Variants in PPP6R3 observed in about 807,000 individuals in gnomAD.
PPP6R3 encodes the protein protein phosphatase 6 regulatory subunit 3.
Under a neutral mutation model 110.7 loss-of-function variants are expected in PPP6R3, and 38 were observed. The ratio of observed to expected loss-of-function variants is 0.34; its 90% CI spans 0.26 to 0.45. The LOEUF (loss-of-function observed/expected upper bound fraction) is 0.45, where lower values mean the gene tolerates loss of function less well. Among genes scored for constraint, PPP6R3 ranks in the 20% least tolerant of loss-of-function variants. The pLI is 1.00. For synonymous variants in PPP6R3, 369 were observed against 373.5 expected (o/e 0.99, Z 0.14); for missense variants, 870 against 1,062.4 (o/e 0.82, Z 2.52).
At chr11:68,493,608 A>C (rs1315778620) in intron 1 of PPP6R3, among the ~76,000 whole-genome samples, 5 of 117,134 alleles carry the variant, frequency 4.3e-5, no homozygotes, top group South Asian at 6.1e-4. Context: ...AAAAAAAAAA[A>C]ACAAAACCAT....
chr11:68,600,624 ACAT>A, intron 20 of PPP6R3, 130 bp downstream of exon 20: 4 of 969,782 alleles, frequency 4.1e-6, no homozygotes, highest in Non-Finnish European at 5.9e-6. Flanking sequence ...AAAAGATTAA[ACAT>A]CAGCATACTA....
chr11:68,463,530 T>G (rs545261383), intron 1 of PPP6R3, among the ~76,000 whole-genome samples: 38 of 151,726 alleles, frequency 2.5e-4, no homozygotes, highest in African/African-American at 7.7e-4. Flanking sequence ...CTGTGTGTGT[T>G]TGTGTGTGTG....
At position 68,490,420 on chromosome 11, in the gene PPP6R3, TG is replaced by T. The variant is rs961028438; in HGVS notation, c.-157-29075del. 5.7e-4 allele frequency among the ~76,000 whole-genome samples: 87 copies of T among 151,930 alleles called. 1 individual carries two copies. The highest frequency in any genetic ancestry group is 2.1e-3 in the African/African-American group (86 of 41,402). ...ATTGCTCAGTGGTGTTTTTTTTTGG[TG>T]GGGGGTAAGTGGGGAGGTCATTGCT... On this transcript the variant is annotated intron_variant, in intron 1 of 23. Transcript: ENST00000393800.
intron 1 of PPP6R3, among the ~76,000 whole-genome samples, chr11:68,478,647 G>GTTTTTTATTTTTTTTTTTTT (rs2098860892): frequency 2.0e-5 from 1 of 50,506 alleles, no homozygotes; most frequent in African/African-American, 9.7e-5. Context: ...CACTTGGTAA[G>GTTTTTTATTTTTTTTTTTTT]TTTTTTTTTT....
At chr11:68,484,320 C>T (rs1291218546) in intron 1 of PPP6R3, among the ~76,000 whole-genome samples, 3 of 152,128 alleles carry the variant, frequency 2.0e-5, no homozygotes, top group African/African-American at 2.4e-5. Flanking sequence ...ATTTTATATT[C>T]GCACCAGCAA....
intron 1 of PPP6R3, among the ~76,000 whole-genome samples, chr11:68,474,571 C>A (rs571741916): frequency 6.6e-6 from 1 of 152,110 alleles, no homozygotes. Context: ...CAAGATTATT[C>A]TAGTCCAATA....
intron 1 of PPP6R3, among the ~76,000 whole-genome samples, chr11:68,476,112 G>A (rs1250744863): frequency 3.3e-5 from 5 of 152,178 alleles, no homozygotes; most frequent in African/African-American, 9.7e-5. Flanking sequence ...CAAGGCAGGC[G>A]GCTGGGAGGT....
chr11:68,523,275 G>C (rs149686885), intron 2 of PPP6R3, among the ~76,000 whole-genome samples: 1 of 152,114 alleles, frequency 6.6e-6, no homozygotes, highest in African/African-American at 2.4e-5. Context: ...GCCTTCCTCT[G>C]TACTGGTTGC....
intron 1 of PPP6R3, among the ~76,000 whole-genome samples, chr11:68,511,131 G>T (rs2099106812): frequency 6.7e-6 from 1 of 149,912 alleles, no homozygotes; most frequent in Non-Finnish European, 1.5e-5. Context: ...GCAATGGTGT[G>T]ATCTCAGCTC....
chr11:68,598,792 G>A (rs61005984), intron 19 of PPP6R3, among the ~76,000 whole-genome samples: 2,964 of 152,308 alleles, frequency 0.019, 46 homozygotes, highest in African/African-American at 0.044. Context: ...TGATTCCAGA[G>A]CTTTGCATAG....
At position 68,590,608 on chromosome 11, in the gene PPP6R3, G is replaced by C; in HGVS notation, c.1731-52G>C. On this transcript the variant is annotated intron_variant, in intron 16 of 23. Coordinates refer to ENST00000393800, the MANE Select transcript of PPP6R3 (RefSeq NM_001164161.2). ...GGAAACTTTCATAAATACGGTTTCTGTGAGCTGATAGTAATTAATGCTTCC... is the reference window on the plus strand; with the variant it reads ...GGAAACTTTCATAAATACGGTTTCTCTGAGCTGATAGTAATTAATGCTTCC... 3.3e-6 allele frequency: 5 copies of C among 1,495,190 alleles called. No individual in the cohort carries two copies. In the South Asian group the frequency reaches 6.6e-5, roughly 20 times the overall value. 92.6% of individuals were successfully genotyped at this position (1,495,190 alleles called of 1,614,324 possible). A position where few individuals can be genotyped will look rare whatever the true frequency, so the allele number is the denominator to read the frequency against.
intron 3 of PPP6R3, among the ~76,000 whole-genome samples, chr11:68,543,255 A>G (rs747439653): frequency 7.2e-5 from 11 of 152,180 alleles, no homozygotes; most frequent in Non-Finnish European, 1.3e-4. Context: ...GTGTGACTCT[A>G]GTAGCTGCAC....
At chr11:68,497,780 A>G (rs1397772103) in intron 1 of PPP6R3, among the ~76,000 whole-genome samples, 1 of 151,784 alleles carries the variant, frequency 6.6e-6, no homozygotes, top group African/African-American at 2.4e-5. Context: ...AATTTATCTT[A>G]TTTTTCTTTT....
chr11:68,497,707 G>T (rs1236546585), intron 1 of PPP6R3, among the ~76,000 whole-genome samples: 1 of 151,946 alleles, frequency 6.6e-6, no homozygotes, highest in Non-Finnish European at 1.5e-5. Flanking sequence ...CCATTCTTTG[G>T]GTTTTCTTTT....
intron 1 of PPP6R3, among the ~76,000 whole-genome samples, chr11:68,487,020 T>G (rs1378373710): frequency 6.6e-6 from 1 of 152,192 alleles, no homozygotes; most frequent in Non-Finnish European, 1.5e-5. Context: ...TATTGTTGTT[T>G]CCTGAAAACC....
intron 1 of PPP6R3, among the ~76,000 whole-genome samples, chr11:68,518,889 T>C (rs761262384): frequency 2.6e-5 from 4 of 152,186 alleles, no homozygotes; most frequent in Non-Finnish European, 5.9e-5. Context: ...CTTAGAGGAA[T>C]TCTAATTAGT....
intron 1 of PPP6R3, among the ~76,000 whole-genome samples, chr11:68,465,224 A>G (rs779824434): frequency 4.6e-5 from 7 of 152,204 alleles, no homozygotes; most frequent in Non-Finnish European, 8.8e-5. Context: ...TTCCCAGAGA[A>G]TTAGCCCTGG....
intron 3 of PPP6R3, among the ~76,000 whole-genome samples, chr11:68,541,390 G>A (rs767404386): frequency 1.3e-5 from 2 of 152,106 alleles, no homozygotes; most frequent in Non-Finnish European, 1.5e-5. Flanking sequence ...GTTGAGAAGC[G>A]GTCAGATTTC....
chr11:68,585,526 G>A (rs1030975510), intron 15 of PPP6R3, among the ~76,000 whole-genome samples: 2 of 152,170 alleles, frequency 1.3e-5, no homozygotes, highest in Admixed American at 1.3e-4. Flanking sequence ...CAGCTATATT[G>A]TGCTTTCCAG....
Sources: gnomAD v4.1 joint callset for allele counts (sites outside exome capture counted in the v4.1 genomes callset) on GRCh38, gnomAD v4.1.1 for gene constraint, MANE v1.5 for transcripts, NCBI Gene and HGNC (gene_info 2026-07-23, HGNC 2026-07-21) for gene names.